CCSER1: variants seen among roughly 807,000 people sequenced by gnomAD.
The protein encoded by CCSER1 is serine-rich coiled-coil domain-containing protein 1.
Under a neutral mutation model 82.0 loss-of-function variants are expected in CCSER1, and 41 were observed. That is an observed-to-expected ratio of 0.50 (90% CI 0.39 to 0.65). The LOEUF is 0.65. Ranked by LOEUF, CCSER1 falls within the 30% of genes least tolerant of loss-of-function variation. CCSER1 has a pLI of 0.00. For synonymous variants in CCSER1, 414 were observed against 383.9 expected (o/e 1.08, Z -0.92); for missense variants, 1,119 against 1,064.2 (o/e 1.05, Z -0.72).
chr4:91,348,912 T>G (rs12505304), intron 10 of CCSER1, among the ~76,000 whole-genome samples: 1 of 151,614 alleles, frequency 6.6e-6, no homozygotes, highest in Non-Finnish European at 1.5e-5. Context: ...TTAATTAATT[T>G]ATTTATTTAT....
chr4:90,184,972 GTTTTGACAAGAA>G (rs1734351235), intron 1 of CCSER1, among the ~76,000 whole-genome samples: 1 of 152,016 alleles, frequency 6.6e-6, no homozygotes, highest in Admixed American at 6.6e-5. Flanking sequence ...ATTCCTTAGG[GTTTTGACAAGAA>G]TTTGGATTAC....
intron 10 of CCSER1, among the ~76,000 whole-genome samples, chr4:91,478,948 T>C (rs916387902): frequency 2.0e-5 from 3 of 151,826 alleles, no homozygotes; most frequent in Non-Finnish European, 4.4e-5. Flanking sequence ...TAAACACACT[T>C]TAGTAATATA....
At chr4:90,483,260 G>A (rs1766388628) in intron 5 of CCSER1, among the ~76,000 whole-genome samples, 1 of 152,122 alleles carries the variant, frequency 6.6e-6, no homozygotes, top group East Asian at 1.9e-4. Context: ...TTGAGCCTAT[G>A]TGTGTCTCTG....
At chr4:90,450,668 T>A (rs564494474) in intron 4 of CCSER1, among the ~76,000 whole-genome samples, 1 of 152,272 alleles carries the variant, frequency 6.6e-6, no homozygotes, top group South Asian at 2.1e-4. Context: ...AAGAATCAAT[T>A]TCAGTGACCT....
chr4:91,085,913 G>C (rs914738190), intron 9 of CCSER1, 37 bp from the exon 10 acceptor site: 2 of 1,170,790 alleles, frequency 1.7e-6, no homozygotes, highest in Admixed American at 2.2e-5. Flanking sequence ...TTAATTCTTC[G>C]TTGCCAATAA....
chr4:90,916,166 T>A (rs1727369211), intron 8 of CCSER1, among the ~76,000 whole-genome samples: 1 of 152,028 alleles, frequency 6.6e-6, no homozygotes, highest in East Asian at 1.9e-4. Context: ...AAAAACTACT[T>A]TAAAGTTCAT....
intron 3 of CCSER1, among the ~76,000 whole-genome samples, chr4:90,397,111 TCTC>T (rs1752063061): frequency 6.6e-6 from 1 of 152,212 alleles, no homozygotes; most frequent in South Asian, 2.1e-4. Context: ...CTTCAAAGAT[TCTC>T]CTCTACAGTA....
chr4:90,300,211 C>T (rs1171129656), intron 1 of CCSER1, among the ~76,000 whole-genome samples: 1 of 152,096 alleles, frequency 6.6e-6, no homozygotes, highest in Non-Finnish European at 1.5e-5. Context: ...GACTACTGAT[C>T]TCACATTATA....
chr4:90,202,646 T>C (rs1400991158), intron 1 of CCSER1, among the ~76,000 whole-genome samples: 1 of 152,242 alleles, frequency 6.6e-6, no homozygotes, highest in East Asian at 1.9e-4. Context: ...CTAATGCATT[T>C]TGTATTTTCA....
At chr4:90,332,254 GTT>G (rs553773315) in intron 3 of CCSER1, among the ~76,000 whole-genome samples, 5 of 144,652 alleles carry the variant, frequency 3.5e-5, no homozygotes, top group African/African-American at 2.5e-5. Context: ...TTGAGATGGA[GTT>G]TTTTTTTTTT....
intron 5 of CCSER1, among the ~76,000 whole-genome samples, chr4:90,616,348 A>G (rs550469015): frequency 6.6e-6 from 1 of 152,154 alleles, no homozygotes; most frequent in East Asian, 1.9e-4. Context: ...AATTTCCAGT[A>G]TGTTACACTC....
At chr4:90,823,967 A>G (rs1580655462) in intron 8 of CCSER1, among the ~76,000 whole-genome samples, 2 of 151,934 alleles carry the variant, frequency 1.3e-5, no homozygotes, top group South Asian at 4.1e-4. Context: ...TCTGGCCATT[A>G]TTAATATTAA....
At chr4:90,816,781 A>G (rs1025670293) in intron 8 of CCSER1, among the ~76,000 whole-genome samples, 1 of 152,152 alleles carries the variant, frequency 6.6e-6, no homozygotes, top group African/African-American at 2.4e-5. Flanking sequence ...ACTAAATTAC[A>G]AAACAGACTT....
chr4:90,152,521 T>C (rs757990197), intron 1 of CCSER1, among the ~76,000 whole-genome samples: 3 of 152,132 alleles, frequency 2.0e-5, no homozygotes, highest in African/African-American at 4.8e-5. Context: ...AAAGGGAGAA[T>C]GGATCCTGAG....
At chr4:90,257,332 T>C (rs1465232017) in intron 1 of CCSER1, among the ~76,000 whole-genome samples, 3 of 152,156 alleles carry the variant, frequency 2.0e-5, no homozygotes, top group Non-Finnish European at 4.4e-5. Flanking sequence ...TGTATGGTTC[T>C]TTTGTTTTTA....
chr4:90,585,676 G>T (rs1341038239), intron 5 of CCSER1, among the ~76,000 whole-genome samples: 1 of 151,844 alleles, frequency 6.6e-6, no homozygotes, highest in Non-Finnish European at 1.5e-5. Flanking sequence ...TTTAATGCTG[G>T]CTGATGAAGC....
At chr4:90,306,284 G>A (rs553041636) in intron 1 of CCSER1, among the ~76,000 whole-genome samples, 2 of 152,222 alleles carry the variant, frequency 1.3e-5, no homozygotes, top group Non-Finnish European at 2.9e-5. Flanking sequence ...CGACAGCATG[G>A]TGACTATAGT....
At chr4:91,197,523 T>C (rs1735541419) in intron 10 of CCSER1, among the ~76,000 whole-genome samples, 1 of 152,192 alleles carries the variant, frequency 6.6e-6, no homozygotes, top group African/African-American at 2.4e-5. Context: ...TAGTTTTAGT[T>C]TGTTTAAATT....
intron 4 of CCSER1, among the ~76,000 whole-genome samples, chr4:90,415,671 T>A (rs1319914962): frequency 2.6e-5 from 4 of 152,136 alleles, no homozygotes; most frequent in Admixed American, 2.6e-4. Context: ...AGAATTTGGG[T>A]TTGTGTTTTG....
Sources: gnomAD v4.1 joint callset for allele counts (sites outside exome capture counted in the v4.1 genomes callset) on GRCh38, gnomAD v4.1.1 for gene constraint, MANE v1.5 for transcripts, NCBI Gene and HGNC (gene_info 2026-07-23, HGNC 2026-07-21) for gene names.